Variants in ATP6V1E1 observed in about 807,000 individuals in gnomAD.
The protein encoded by ATP6V1E1 is V-type proton ATPase subunit E 1.
Under a neutral mutation model 35.2 loss-of-function variants are expected in ATP6V1E1, and 21 were observed. The ratio of observed to expected loss-of-function variants is 0.60; its 90% CI spans 0.42 to 0.86. ATP6V1E1 has a LOEUF of 0.86. Among genes scored for constraint, ATP6V1E1 ranks in the 40% least tolerant of loss-of-function variants. The pLI, the probability that ATP6V1E1 is intolerant of heterozygous loss-of-function variation, is 0.00. For missense variants in ATP6V1E1, 183 were observed against 272.6 expected (o/e 0.67, Z 2.32); for synonymous variants, 83 against 87.8 (o/e 0.95, Z 0.30).
chr22:17,604,398 T>A (rs1031529533), intron 4 of ATP6V1E1, among the ~76,000 whole-genome samples: 8 of 152,204 alleles, frequency 5.3e-5, no homozygotes, highest in African/African-American at 1.9e-4. Flanking sequence ...GCCCTGAGGA[T>A]TCTGAAAATA....
chr22:17,607,403 G>GC (rs1427912264), intron 4 of ATP6V1E1, among the ~76,000 whole-genome samples: 1 of 152,052 alleles, frequency 6.6e-6, no homozygotes, highest in East Asian at 1.9e-4. Flanking sequence ...CGATCTGCCT[G>GC]CCTCGGCCTC....
rs5992080 is a variant in ATP6V1E1, at chr22:17,612,968, C to G, written c.210-90G>C. 0.087 allele frequency: 109,857 copies of G among 1,258,104 alleles called. 5,159 individuals are homozygous for G. The highest frequency in any genetic ancestry group is 0.13 in the African/African-American group (8,266 of 66,114). 77.9% of individuals were successfully genotyped at this position (1,258,104 alleles called of 1,614,324 possible). A position where few individuals can be genotyped will look rare whatever the true frequency, so the allele number is the denominator to read the frequency against. On this transcript the variant is annotated intron_variant, in intron 3 of 8. Coordinates refer to ENST00000253413, the MANE Select transcript of ATP6V1E1 (RefSeq NM_001696.4). ...TCCTGGGCTCAAGCAATCCTCCTCC[C>G]TTGGCCTCCCCAAAGCACCAGGATT... is the stretch of plus-strand genomic sequence containing the variant.
intron 4 of ATP6V1E1, among the ~76,000 whole-genome samples, chr22:17,605,461 C>CG (rs1049069183): frequency 8.1e-4 from 123 of 151,780 alleles, no homozygotes; most frequent in African/African-American, 2.6e-3. Context: ...ACCCAGGAGG[C>CG]GGGGGGTGCA....
At chr22:17,613,759 A>G (rs1601387578) in intron 2 of ATP6V1E1, among the ~76,000 whole-genome samples, 1 of 151,188 alleles carries the variant, frequency 6.6e-6, no homozygotes, top group African/African-American at 2.4e-5. Context: ...CGAGGTCAGG[A>G]GATCGAGATC....
At chr22:17,624,496 G>T (rs1432889592) in intron 1 of ATP6V1E1, among the ~76,000 whole-genome samples, 1 of 152,282 alleles carries the variant, frequency 6.6e-6, no homozygotes, top group Middle Eastern at 3.4e-3. Context: ...AGAGGCTGCA[G>T]TGAGCTGAGA....
At chr22:17,626,990 T>C (rs530148744) in intron 1 of ATP6V1E1, among the ~76,000 whole-genome samples, 1 of 151,628 alleles carries the variant, frequency 6.6e-6, no homozygotes, top group African/African-American at 2.4e-5. Flanking sequence ...TTTGTGTTTA[T>C]TAATATTAAA....
rs755073261 is a variant in ATP6V1E1 at position 17,598,207 on chromosome 22, G to C, written c.517C>G (p.Leu173Val). 1 of 1,613,096 alleles carries C rather than the reference G, an allele frequency of 6.2e-7. No individual in the cohort carries two copies. Among genetic ancestry groups the C allele is most frequent in the Non-Finnish European group, 8.5e-7 (1 of 1,179,256 alleles). The change falls in exon 7 of 9, where the codon CTG becomes GTG. Residue 173 changes from leucine to valine, a missense_variant. Transcript: ENST00000253413. ...VDVQIDQESY[L>V]PEDIAGGVEI... ...AATACTCCTTACATGTCTTCAGGCAGGTAGGACTCCTGGTCAATTTGGACA... is the reference window on the plus strand; with the variant it reads ...AATACTCCTTACATGTCTTCAGGCACGTAGGACTCCTGGTCAATTTGGACA...
At chr22:17,613,438 T>C in intron 2 of ATP6V1E1, 118 bp from the exon 3 acceptor site, 1 of 729,030 alleles carries the variant, frequency 1.4e-6, no homozygotes, top group South Asian at 1.7e-5. Context: ...AAACAGAAAA[T>C]TTATTGTGAT....
chr22:17,617,438 C>T (rs755381332), intron 2 of ATP6V1E1, among the ~76,000 whole-genome samples: 2 of 152,020 alleles, frequency 1.3e-5, no homozygotes, highest in African/African-American at 2.4e-5. Flanking sequence ...AGACTGCAGG[C>T]GTGCACCACC....
intron 1 of ATP6V1E1, among the ~76,000 whole-genome samples, chr22:17,626,758 G>A (rs1003019510): frequency 6.6e-6 from 1 of 152,148 alleles, no homozygotes; most frequent in African/African-American, 2.4e-5. Flanking sequence ...TGGAACTCCT[G>A]ACCGCAGGTG....
chr22:17,595,063 GTTTTT>G (rs774192614), intron 7 of ATP6V1E1: 1 of 151,270 alleles, frequency 6.6e-6, no homozygotes, highest in Non-Finnish European at 1.5e-5. Context: ...AATTTGTTTT[GTTTTT>G]TTTGAGACTC....
intron 4 of ATP6V1E1, among the ~76,000 whole-genome samples, chr22:17,601,485 C>T (rs567649289): frequency 1.3e-5 from 2 of 152,176 alleles, no homozygotes; most frequent in East Asian, 3.9e-4. Flanking sequence ...CTTTGAAAAG[C>T]AAGCTATTAA....
chr22:17,597,765 G>C (rs191813809), intron 7 of ATP6V1E1, among the ~76,000 whole-genome samples: 232 of 152,076 alleles, frequency 1.5e-3, no homozygotes, highest in East Asian at 6.2e-3. Context: ...TGGGTAGCTG[G>C]GACTACAGGC....
chr22:17,605,217 AAAAAAAG>A, intron 4 of ATP6V1E1, among the ~76,000 whole-genome samples: 1 of 140,512 alleles, frequency 7.1e-6, no homozygotes, highest in Non-Finnish European at 1.5e-5. Context: ...AAAAAAAAAA[AAAAAAAG>A]AAAAGAAAAG....
At chr22:17,618,923 C>G (rs1568892767) in intron 2 of ATP6V1E1, 1 of 442,440 alleles carries the variant, frequency 2.3e-6, no homozygotes, top group South Asian at 1.6e-5. Flanking sequence ...TCACTTGAAC[C>G]CGGGAGGCAG....
In ATP6V1E1 at chr22:17,597,011, G is replaced by A. The variant is rs374892862; in HGVS notation, c.530+1183C>T. ...TAATCCCAGCACTTTGGGAGGCCGA[G>A]CGGGCAGATCACGAGGTCAGGAGAT... On this transcript the variant is annotated intron_variant, in intron 7 of 8. Coordinates refer to ENST00000253413, the MANE Select transcript of ATP6V1E1 (RefSeq NM_001696.4). 8.6e-5 allele frequency among the ~76,000 whole-genome samples: 13 copies of A among 152,044 alleles called. No individual in the cohort carries two copies. The East Asian group carries it at 2.5e-3, about 29-fold the overall frequency.
At chr22:17,624,115 G>T (rs1268919698) in intron 1 of ATP6V1E1, among the ~76,000 whole-genome samples, 3 of 152,040 alleles carry the variant, frequency 2.0e-5, no homozygotes, top group Non-Finnish European at 4.4e-5. Flanking sequence ...AGAAAATTCA[G>T]GATTTATTAA....
chr22:17,602,729 T>C (rs1157979733), intron 4 of ATP6V1E1, among the ~76,000 whole-genome samples: 4 of 152,210 alleles, frequency 2.6e-5, no homozygotes, highest in Admixed American at 6.5e-5. Context: ...GTGATAAATA[T>C]AGTTTCTGTC....
In ATP6V1E1 at chr22:17,601,106, C is replaced by T; in HGVS notation, c.352G>A (p.Gly118Arg). 6.2e-7 allele frequency: 1 copy of T among 1,613,024 alleles called. No homozygotes were observed. The highest frequency in any genetic ancestry group is 8.5e-7 in the Non-Finnish European group (1 of 1,179,696). Reference sequence around the variant, plus strand: ...TATGAGGGTACCTGGAGAACCAGTCCATCCAGCAGCACTTGGTACCTGGTT... The same window carrying T: ...TATGAGGGTACCTGGAGAACCAGTCTATCCAGCAGCACTTGGTACCTGGTT... Reference protein sequence around the residue: ...DTTRYQVLLDGLVLQGLYQLL... With the variant: ...DTTRYQVLLDRLVLQGLYQLL... Residue 118 changes from glycine (G) to arginine (R), a missense_variant, in exon 5 of 9, where the codon GGA (glycine) becomes AGA (arginine). Gly to Arg is a moderately radical substitution (Grantham distance 125). Transcript: ENST00000253413.
Sources: gnomAD v4.1 joint callset for allele counts (sites outside exome capture counted in the v4.1 genomes callset) on GRCh38, gnomAD v4.1.1 for gene constraint, MANE v1.5 for transcripts, NCBI Gene and HGNC (gene_info 2026-07-23, HGNC 2026-07-21) for gene names.